Variants in TRIM16 observed in about 807,000 individuals in gnomAD.
TRIM16 encodes the protein tripartite motif-containing protein 16.
In TRIM16, 33 loss-of-function variants were observed where a neutral mutation model predicts 50.4. That is an observed-to-expected ratio of 0.65 (90% confidence interval 0.50 to 0.88). TRIM16 has a LOEUF of 0.88. Among genes scored for constraint, TRIM16 ranks in the 40% least tolerant of loss-of-function variants. The pLI is 0.00. For synonymous variants in TRIM16, 229 were observed against 270.7 expected (o/e 0.85, Z 1.51); for missense variants, 581 against 686.8 (o/e 0.85, Z 1.72).
chr17:15,628,893 C>T lies in TRIM16; in HGVS notation c.1417G>A (p.Gly473Arg), dbSNP rs1274324114. 2 of 1,614,250 alleles carry T rather than the reference C, an allele frequency of 1.2e-6. No individual in the cohort carries two copies. The highest frequency in any genetic ancestry group is 8.5e-7 in the Non-Finnish European group (1 of 1,180,052). Residue 473 changes from glycine (G) to arginine (R), a missense_variant, in exon 12 of 12, where the codon GGG (glycine) becomes AGG (arginine). By Grantham distance (125) the Gly-to-Arg change is moderately radical (BLOSUM62 -2). Transcript: ENST00000649191. ...CTGTACCAGGCCGTGAACTCCTTCCCGTTCCATTGGAGGCTCCAGGAGAAG... is the reference window on the plus strand; with the variant it reads ...CTGTACCAGGCCGTGAACTCCTTCCTGTTCCATTGGAGGCTCCAGGAGAAG... ...NNFSWSLQWNGKEFTAWYSDM... is the reference protein window; with the variant it reads ...NNFSWSLQWNRKEFTAWYSDM...
intron 7 of TRIM16, among the ~76,000 whole-genome samples, chr17:15,649,328 C>T (rs997941039): frequency 5.9e-5 from 9 of 152,166 alleles, no homozygotes; most frequent in East Asian, 1.9e-4. Flanking sequence ...CGCTCTGTCA[C>T]CAGGCTGGAG....
chr17:15,678,061 CA>C (rs1448654617), intron 4 of TRIM16, among the ~76,000 whole-genome samples: 1 of 151,490 alleles, frequency 6.6e-6, no homozygotes, highest in East Asian at 1.9e-4. Flanking sequence ...ACTATAAATA[CA>C]AAAAAAATTA....
chr17:15,657,351 C>T (rs1988026327), intron 6 of TRIM16, among the ~76,000 whole-genome samples: 1 of 152,188 alleles, frequency 6.6e-6, no homozygotes, highest in African/African-American at 2.4e-5. Flanking sequence ...ATCCTCCCAT[C>T]TCCACCTCCC....
rs1188927186 is a variant in TRIM16, at chr17:15,635,202, G to A, written c.849+834C>T. Among the ~76,000 whole-genome samples, 5 of 146,680 alleles carry A rather than the reference G, an allele frequency of 3.4e-5. 1 individual carries two copies. The South Asian group carries it at 1.1e-3, about 33-fold the overall frequency. On this transcript the variant is annotated intron_variant, in intron 9 of 11. Transcript: ENST00000649191. Reference sequence around the variant, plus strand: ...TTCAGAATATCAGAGCTTGGATGGAGCCTTCTGAATTATTTACTCCAGTGG... The same window carrying A: ...TTCAGAATATCAGAGCTTGGATGGAACCTTCTGAATTATTTACTCCAGTGG...
At position 15,632,565 on chromosome 17, in the gene TRIM16, T is replaced by C. The variant is rs1291336762; in HGVS notation, c.959A>G (p.His320Arg). The stretch of plus-strand genomic sequence containing the variant: ...ATAGTTCTCCAGCAACTGGATTAAG[T>C]GTACAGTGGATTCCGTGATAACTTT... Reference protein sequence around the residue: ...IRKVITESTVHLIQLLENYKK... With the variant: ...IRKVITESTVRLIQLLENYKK... The change falls in exon 10 of 12, where the codon CAC becomes CGC. Residue 320 changes from histidine to arginine, a missense_variant. His to Arg is a conservative substitution (Grantham distance 29). This residue lies in a region of TRIM16 where 450 missense variants were observed against 544.3 expected (regional missense o/e 0.83). Coordinates refer to ENST00000649191, the MANE Select transcript of TRIM16 (RefSeq NM_001348119.1). 28 of 1,613,742 alleles carry C rather than the reference T, an allele frequency of 1.7e-5. No individual in the cohort carries two copies. Among genetic ancestry groups the C allele is most frequent in the East Asian group, 4.5e-5 (2 of 44,896 alleles).
chr17:15,671,480 T>C (rs191591902), intron 6 of TRIM16, among the ~76,000 whole-genome samples: 237 of 151,728 alleles, frequency 1.6e-3, no homozygotes, highest in African/African-American at 5.6e-3. Flanking sequence ...GATGTTTATC[T>C]CAAGCCACTG....
Position 15,652,155 on chromosome 17 carries a change from T to C in TRIM16, c.-337-209A>G, listed in dbSNP as rs79285179. On this transcript the variant is annotated intron_variant, in intron 6 of 11. Transcript: ENST00000649191. ...ATGCATGTTTCTTTTCTTTTCTTTTTTTTTTTTTTTGAGACAGAGTCTCAC... is the reference window on the plus strand; with the variant it reads ...ATGCATGTTTCTTTTCTTTTCTTTTCTTTTTTTTTTGAGACAGAGTCTCAC... The C allele has an allele frequency of 7.7e-3, 1,422 of 184,740 alleles. 22 individuals carry two copies. Among genetic ancestry groups the C allele is most frequent in the South Asian group, 0.05 (283 of 5,678 alleles). 11.4% of individuals were successfully genotyped at this position (184,740 alleles called of 1,614,324 possible). A position where few individuals can be genotyped will look rare whatever the true frequency, so the allele number is the denominator to read the frequency against.
chr17:15,636,364 A>C, intron 8 of TRIM16, 95 bp from the exon 9 acceptor site: 2 of 1,355,374 alleles, frequency 1.5e-6, no homozygotes, highest in Non-Finnish European at 2.1e-6. Flanking sequence ...AGCTTGAGAA[A>C]CACATATATT....
At chr17:15,674,520 C>T (rs944810612) in intron 6 of TRIM16, among the ~76,000 whole-genome samples, 13 of 152,126 alleles carry the variant, frequency 8.5e-5, no homozygotes, top group African/African-American at 3.1e-4. Context: ...TTCTCCCCTC[C>T]CCCACACTGC....
At chr17:15,677,856 G>C in intron 4 of TRIM16, 135 bp from the exon 5 acceptor site, 1 of 701,354 alleles carries the variant, frequency 1.4e-6, no homozygotes, top group Non-Finnish European at 1.8e-6. Context: ...ATCTTAAAAT[G>C]TGTATACCCC....
In TRIM16 at chr17:15,642,964, C is replaced by T. The variant is rs546576859; in HGVS notation, c.520-148G>A. ...GATCTCAGAAACCAGCCGGGAGGCA[C>T]GAAGGGTTGGCGGTGAGCCCGTGCC... On this transcript the variant is annotated intron_variant, in intron 7 of 11. Coordinates refer to ENST00000649191, the MANE Select transcript of TRIM16 (RefSeq NM_001348119.1). The T allele has an allele frequency of 6.9e-5, 32 of 463,186 alleles. 1 individual carries two copies. In the East Asian group the frequency reaches 2.7e-3, roughly 39 times the overall value. The allele number at this position is 463,186 out of a possible 1,614,324, so 28.7% of individuals were successfully genotyped here.
chr17:15,641,523 A>C (rs550267605), intron 8 of TRIM16, among the ~76,000 whole-genome samples: 1 of 149,034 alleles, frequency 6.7e-6, no homozygotes, highest in East Asian at 2.0e-4. Flanking sequence ...AAGTGTCTGA[A>C]AATTAAAGAG....
At position 15,628,490 on chromosome 17, in the gene TRIM16, A is replaced by T. The variant is rs1429814363; in HGVS notation, c.*125T>A. On this transcript the variant is annotated 3_prime_UTR_variant, in exon 12 of 12. Coordinates refer to ENST00000649191, the MANE Select transcript of TRIM16 (RefSeq NM_001348119.1). ...AAGAGAGCAGCTGGAGAATGTTTTC[A>T]TTCAGAGACCCCATAGGATTTCAAA... 1 of 821,730 alleles carries T rather than the reference A, an allele frequency of 1.2e-6. No homozygotes were observed. The highest frequency in any genetic ancestry group is 2.9e-5 in the Admixed American group (1 of 34,200). The allele number at this position is 821,730 out of a possible 1,614,324, so 50.9% of individuals were successfully genotyped here. A position where few individuals can be genotyped will look rare whatever the true frequency, so the allele number is the denominator to read the frequency against.
At chr17:15,657,553 C>G (rs1988034986) in intron 6 of TRIM16, among the ~76,000 whole-genome samples, 1 of 152,260 alleles carries the variant, frequency 6.6e-6, no homozygotes, top group East Asian at 1.9e-4. Context: ...CCCTCTCCCC[C>G]TCCAGCCTTT....
intron 8 of TRIM16, among the ~76,000 whole-genome samples, chr17:15,638,523 T>C (rs926008132): frequency 6.7e-6 from 1 of 149,010 alleles, no homozygotes; most frequent in Non-Finnish European, 1.5e-5. Context: ...TGAGCTGAGA[T>C]TGCGCCACTG....
At chr17:15,637,105 G>T (rs1986796770) in intron 8 of TRIM16, among the ~76,000 whole-genome samples, 2 of 133,430 alleles carry the variant, frequency 1.5e-5, no homozygotes, top group Admixed American at 1.4e-4. Context: ...CACCCCGTCC[G>T]GGAGGGAGGT....
At position 15,637,172 on chromosome 17, in the gene TRIM16, G is replaced by C. The variant is rs1219317610; in HGVS notation, c.616-903C>G. Among the ~76,000 whole-genome samples, 35 of 144,858 alleles carry C rather than the reference G, an allele frequency of 2.4e-4. 1 individual carries two copies. The highest frequency in any genetic ancestry group is 1.7e-4 in the Non-Finnish European group (11 of 65,646). On this transcript the variant is annotated intron_variant, in intron 8 of 11. Coordinates refer to ENST00000649191, the MANE Select transcript of TRIM16 (RefSeq NM_001348119.1). ...GCCGCCCCATCCGGGAGGGAGGTGG[G>C]GGGGTCAGCCCCCCGCCTGGCCAGC... is the stretch of plus-strand genomic sequence containing the variant.
chr17:15,646,401 GC>G (rs1334793985), intron 7 of TRIM16, among the ~76,000 whole-genome samples: 3 of 140,292 alleles, frequency 2.1e-5, no homozygotes, highest in Non-Finnish European at 4.5e-5. Context: ...GGACTGTGGT[GC>G]CCATGAGCAC....
intron 6 of TRIM16, among the ~76,000 whole-genome samples, chr17:15,660,776 T>C (rs969273100): frequency 9.9e-5 from 15 of 151,604 alleles, no homozygotes; most frequent in Non-Finnish European, 1.3e-4. Flanking sequence ...CAGGCGCCTG[T>C]AGTCCCAGCT....
Sources: gnomAD v4.1 joint callset for allele counts (sites outside exome capture counted in the v4.1 genomes callset) on GRCh38, gnomAD v4.1.1 for gene constraint, gnomAD v4.1.1 regional missense constraint, MANE v1.5 for transcripts, NCBI Gene and HGNC (gene_info 2026-07-23, HGNC 2026-07-21) for gene names.